The following GPR84 variants were observed in gnomAD, a reference collection of about 807,000 sequenced individuals.
GPR84 encodes G-protein coupled receptor 84.
GPR84 carries 8 observed loss-of-function variants against 14.9 expected under a neutral mutation model. That is an observed-to-expected ratio of 0.54 (90% CI 0.31 to 0.97). GPR84 has a LOEUF of 0.97. GPR84 is among the 50% of genes least tolerant of loss of function. GPR84 has a pLI of 0.04. For synonymous variants in GPR84, 164 were observed against 198.1 expected (o/e 0.83, Z 1.45); for missense variants, 424 against 498.7 (o/e 0.85, Z 1.43).
chr12:54,360,013 A>G (rs368457878), downstream of GPR84, among the ~76,000 whole-genome samples: 6 of 150,794 alleles, frequency 4.0e-5, no homozygotes, highest in East Asian at 9.8e-4. Flanking sequence ...TCACCTTTCT[A>G]CTTGACACCG....
downstream of GPR84, among the ~76,000 whole-genome samples, chr12:54,359,199 G>C (rs557598661): frequency 5.8e-3 from 876 of 152,256 alleles, 13 homozygotes; most frequent in African/African-American, 0.02. Flanking sequence ...CCCTCCCCGC[G>C]GCTGCTGAGC....
At chr12:54,361,859 C>A (rs1468321520), downstream of GPR84, among the ~76,000 whole-genome samples, 1 of 152,248 alleles carries the variant, frequency 6.6e-6, no homozygotes, top group Non-Finnish European at 1.5e-5. The surrounding 1 kb of genome is among the most constrained non-coding windows in gnomAD (Gnocchi z 4.3). Context: ...AACTGAGGGC[C>A]TGGGACTCAG....
At chr12:54,353,337 CTCCTCCCCTCTCCCCCT>C in the GPR84 span, among the ~76,000 whole-genome samples, 2 of 152,100 alleles carry the variant, frequency 1.3e-5, no homozygotes, top group Non-Finnish European at 2.9e-5. Context: ...TGGGAGGCCC[CTCCTCCCCTCTCCCCCT>C]TCCTCCCCTT....
chr12:54,363,747 G>A lies in GPR84; in HGVS notation c.105C>T (p.Thr35=), dbSNP rs1253077091. ...CCAGTAGGGTGAGCACATTGCCCAC[G>A]GTGCCTGTCACAGCCACCACCACCC... ...SWGVVVAVTG[T]VGNVLTLLAL... Residue 35 remains threonine, a synonymous_variant, in exon 2 of 2, where the codon ACC becomes ACT. Transcript: ENST00000267015. 3.7e-6 allele frequency: 6 copies of A among 1,613,852 alleles called. No homozygotes were observed. Among genetic ancestry groups the A allele is most frequent in the South Asian group, 2.2e-5 (2 of 91,062 alleles).
chr12:54,357,933 T>A (rs1954226208), downstream of GPR84, among the ~76,000 whole-genome samples: 1 of 152,188 alleles, frequency 6.6e-6, no homozygotes, highest in Admixed American at 6.5e-5. Context: ...TGCAAAGCTC[T>A]GCAGTCCTCT....
chr12:54,353,582 GC>G, the GPR84 span: 2 of 152,428 alleles, frequency 1.3e-5, no homozygotes, highest in African/African-American at 2.4e-5. Flanking sequence ...TGATGCCCAT[GC>G]CCCCTCTTTT....
the GPR84 span, among the ~76,000 whole-genome samples, chr12:54,352,851 A>G: frequency 1.3e-5 from 2 of 152,246 alleles, no homozygotes; most frequent in African/African-American, 4.8e-5. Flanking sequence ...ACAGTCCTGC[A>G]TTGAAAGTTG....
the GPR84 span, among the ~76,000 whole-genome samples, chr12:54,352,628 A>G: frequency 6.6e-6 from 1 of 152,172 alleles, no homozygotes; most frequent in South Asian, 2.1e-4. Flanking sequence ...GGGAGACCAA[A>G]TTAGTATCTC....
downstream of GPR84, among the ~76,000 whole-genome samples, chr12:54,357,736 C>G (rs1254150907): frequency 2.0e-5 from 3 of 152,116 alleles, no homozygotes; most frequent in Non-Finnish European, 2.9e-5. Context: ...GGTGACAGGC[C>G]AGAGAAATCT....
chr12:54,356,435 A>C, the GPR84 span, among the ~76,000 whole-genome samples: 1 of 152,138 alleles, frequency 6.6e-6, no homozygotes, highest in Non-Finnish European at 1.5e-5. Flanking sequence ...GAGAGGGAAC[A>C]GTATGATCCA....
In GPR84 at chr12:54,362,720, G is replaced by A. The variant is rs142475586; in HGVS notation, c.1132C>T (p.Arg378Cys). The change falls in exon 2 of 2, where the codon CGC (arginine) becomes TGC (cysteine). Residue 378 changes from arginine (R) to cysteine (C), a missense_variant. Coordinates refer to ENST00000267015, the MANE Select transcript of GPR84 (RefSeq NM_020370.3). The surrounding 1 kb of genome is among the most constrained non-coding windows in gnomAD (Gnocchi z 4.0). ...TTTAAAATGGAGCCATATGCTTGGCGGAATTGGCGGTTCATGGCTGCATAG... is the reference window on the plus strand; with the variant it reads ...TTTAAAATGGAGCCATATGCTTGGCAGAATTGGCGGTTCATGGCTGCATAG... ...VLYAAMNRQF[R>C]QAYGSILKRG... 1.9e-5 allele frequency: 31 copies of A among 1,613,908 alleles called. 1 individual carries two copies. The highest frequency in any genetic ancestry group is 8.9e-5 in the East Asian group (4 of 44,884).
chr12:54,357,247 T>C, the GPR84 span, among the ~76,000 whole-genome samples: 3 of 152,150 alleles, frequency 2.0e-5, no homozygotes, highest in Non-Finnish European at 4.4e-5. Flanking sequence ...CTCCTGCCAC[T>C]CCAGGCAGCA....
Position 54,362,840 on chromosome 12 carries a change from G to A in GPR84, c.1012C>T (p.Leu338Phe), listed in dbSNP as rs1954285272. ...FALSYIPFLL[L>F]NILDARVQAP... ...TGGACTCTGGCATCCAGAATGTTGA[G>A]CAGCAAGAAGGGGATGTAGCTCAGG... The change falls in exon 2 of 2, where the codon CTC becomes TTC. Residue 338 changes from leucine (L) to phenylalanine (F), a missense_variant. Transcript: ENST00000267015. The surrounding 1 kb of genome is among the most constrained non-coding windows in gnomAD (Gnocchi z 4.0). The A allele has an allele frequency of 1.2e-6, 2 of 1,614,204 alleles. No homozygotes were observed. The highest frequency in any genetic ancestry group is 1.3e-5 in the African/African-American group (1 of 75,056).
chr12:54,360,906 G>C (rs898217411), downstream of GPR84, among the ~76,000 whole-genome samples: 6 of 152,138 alleles, frequency 3.9e-5, no homozygotes, highest in African/African-American at 1.2e-4. Context: ...TTCTTCCTAA[G>C]CTTTGGGGGA....
At chr12:54,359,408 G>A (rs1280319357), downstream of GPR84, among the ~76,000 whole-genome samples, 3 of 151,602 alleles carry the variant, frequency 2.0e-5, no homozygotes, top group South Asian at 4.2e-4. Context: ...CAGCCCGGGC[G>A]GGCGACTGGG....
At chr12:54,357,462 T>A (rs1047401293), downstream of GPR84, among the ~76,000 whole-genome samples, 1 of 152,156 alleles carries the variant, frequency 6.6e-6, no homozygotes, top group African/African-American at 2.4e-5. Flanking sequence ...CACAGACACA[T>A]GGCTTCTAGA....
At chr12:54,353,600 A>T in the GPR84 span, 1 of 151,898 alleles carries the variant, frequency 6.6e-6, no homozygotes, top group Non-Finnish European at 1.5e-5. Flanking sequence ...TTTTCCCACA[A>T]TGTTCTGCAG....
At position 54,363,211 on chromosome 12, in the gene GPR84, T is replaced by G; in HGVS notation, c.641A>C (p.Gln214Pro). Residue 214 changes from glutamine to proline, a missense_variant, in exon 2 of 2, where the codon CAA (glutamine) becomes CCA (proline). Transcript: ENST00000267015. ...QVKRAAQALD[Q>P]YKLRQASIHS... ...GATGCTTGCCTGTCGCAACTTGTAT[T>G]GGTCCAGTGCCTGTGCTGCTCGTTT... is the stretch of plus-strand genomic sequence containing the variant. 1 of 1,614,198 alleles carries G rather than the reference T, an allele frequency of 6.2e-7. No individual in the cohort carries two copies. Among genetic ancestry groups the G allele is most frequent in the South Asian group, 1.1e-5 (1 of 91,080 alleles).
chr12:54,350,805 C>T, the GPR84 span: 3 of 483,590 alleles, frequency 6.2e-6, no homozygotes, highest in African/African-American at 5.8e-5. Flanking sequence ...TCACATGCTC[C>T]CTTGCCCTGA....
Sources: allele counts gnomAD v4.1 joint callset (sites outside exome capture counted in the v4.1 genomes callset), GRCh38; gene constraint gnomAD v4.1.1; non-coding constraint Gnocchi (gnomAD v3.1); transcripts MANE v1.5; gene names NCBI Gene and HGNC (gene_info 2026-07-23, HGNC 2026-07-21).